Variants in MCF2L observed in about 807,000 individuals in gnomAD.
MCF2L encodes the protein guanine nucleotide exchange factor DBS.
Under a neutral mutation model 153.4 loss-of-function variants are expected in MCF2L, and 97 were observed. That is an observed-to-expected ratio of 0.63 (90% confidence interval 0.54 to 0.75). MCF2L has a LOEUF of 0.75. Among genes scored for constraint, MCF2L ranks in the 30% least tolerant of loss-of-function variants. The probability of loss-of-function intolerance (pLI) is 0.00; values close to 1 mark genes in which losing one functional copy is unlikely to be tolerated. For synonymous variants in MCF2L, 659 were observed against 632.2 expected (o/e 1.04, Z -0.64); for missense variants, 1,347 against 1,495.2 (o/e 0.90, Z 1.64).
chr13:112,917,146 C>T, intron 2 of MCF2L: 1 of 471,258 alleles, frequency 2.1e-6, no homozygotes, highest in South Asian at 1.5e-5. Context: ...TGGCTTGTGA[C>T]CCACCTGAGT....
intron 20 of MCF2L, among the ~76,000 whole-genome samples, 187 bp from the exon 21 acceptor site, chr13:113,085,937 G>C (rs568528141): frequency 1.7e-4 from 26 of 151,818 alleles, no homozygotes; most frequent in African/African-American, 6.3e-4. Context: ...CACCTGGCAG[G>C]GGTGCTGCCC....
intron 15 of MCF2L, 127 bp downstream of exon 15, chr13:113,078,866 A>C: frequency 1.1e-6 from 1 of 899,596 alleles, no homozygotes; most frequent in Non-Finnish European, 1.7e-6. Flanking sequence ...TGTGGTTCTT[A>C]CTTTTGCACC....
At chr13:113,010,617 C>A (rs112631632) in intron 1 of MCF2L, among the ~76,000 whole-genome samples, 1 of 152,222 alleles carries the variant, frequency 6.6e-6, no homozygotes, top group Non-Finnish European at 1.5e-5. Context: ...GCCACCCCCT[C>A]GTCGGCCCCA....
At chr13:112,942,407 A>G (rs1199604926) in intron 2 of MCF2L, among the ~76,000 whole-genome samples, 1 of 152,008 alleles carries the variant, frequency 6.6e-6, no homozygotes, top group Non-Finnish European at 1.5e-5. Context: ...CACACTCCTT[A>G]CCCTGTCCCT....
At chr13:113,022,502 A>T (rs929828194) in intron 2 of MCF2L, among the ~76,000 whole-genome samples, 1 of 151,882 alleles carries the variant, frequency 6.6e-6, no homozygotes, top group East Asian at 1.9e-4. Flanking sequence ...CTCCACACAC[A>T]TAGGCTTCTG....
At chr13:112,992,214 T>G (rs1467706562) in intron 1 of MCF2L, among the ~76,000 whole-genome samples, 1 of 152,226 alleles carries the variant, frequency 6.6e-6, no homozygotes, top group Non-Finnish European at 1.5e-5. Flanking sequence ...CCCAAATGTC[T>G]CATTATGTAT....
chr13:113,081,312 C>T (rs773500998), intron 16 of MCF2L, 33 bp downstream of exon 16: 19 of 1,552,888 alleles, frequency 1.2e-5, no homozygotes, highest in African/African-American at 8.1e-5. Flanking sequence ...CCGACTGCCA[C>T]GGGGACTCCC....
chr13:112,937,352 A>T (rs1594353563), intron 2 of MCF2L, among the ~76,000 whole-genome samples: 1 of 152,358 alleles, frequency 6.6e-6, no homozygotes, highest in Non-Finnish European at 1.5e-5. Flanking sequence ...TTTAAACTCC[A>T]GGTTTGAAAT....
At position 113,088,616 on chromosome 13, in the gene MCF2L, C is replaced by A. The variant is rs772282948; in HGVS notation, c.2822C>A (p.Pro941Gln). 4 of 1,607,552 alleles carry A rather than the reference C, an allele frequency of 2.5e-6. No individual in the cohort carries two copies. The highest frequency in any genetic ancestry group is 2.2e-5 in the East Asian group (1 of 44,854). The change falls in exon 25 of 30, where the codon CCG (proline) becomes CAG (glutamine). Residue 941 changes from proline to glutamine, a missense_variant. Pro to Gln is a moderately conservative substitution (Grantham distance 76). This residue lies in a region of MCF2L where 383 missense variants were observed against 335.4 expected (regional missense o/e 1.14). Coordinates refer to ENST00000535094, the MANE Select transcript of MCF2L (RefSeq NM_001112732.3). ...TCACAGAGCCTGCCCCTGCCGGCCC[C>A]GACCAGCACCAGGTGAGAATGGACA... ...EQSQSLPLPAPTSTSPSRGNS... is the reference protein window; with the variant it reads ...EQSQSLPLPAQTSTSPSRGNS...
At chr13:113,039,146 A>G (rs2086329748) in intron 3 of MCF2L, among the ~76,000 whole-genome samples, 1 of 152,200 alleles carries the variant, frequency 6.6e-6, no homozygotes, top group African/African-American at 2.4e-5. Flanking sequence ...GGCGTGAGCC[A>G]CCGCGCCCGG....
intron 8 of MCF2L, among the ~76,000 whole-genome samples, chr13:113,067,052 C>G (rs186342789): frequency 6.6e-6 from 1 of 152,258 alleles, no homozygotes; most frequent in Non-Finnish European, 1.5e-5. Context: ...GCAGCACAGC[C>G]CATGAGGGTG....
chr13:113,087,179 G>T, intron 21 of MCF2L, 56 bp from the exon 22 acceptor site: 1 of 1,465,176 alleles, frequency 6.8e-7, no homozygotes, highest in Non-Finnish European at 9.4e-7. Flanking sequence ...AGCGATGCGC[G>T]TCCATGGCCC....
At chr13:112,956,999 A>C (rs1037314299) in intron 2 of MCF2L, 3 of 152,020 alleles carry the variant, frequency 2.0e-5, no homozygotes, top group African/African-American at 7.3e-5. Flanking sequence ...GTTTCTGCCC[A>C]CCTCATGGCT....
chr13:112,912,158 T>G (rs1478285732), intron 2 of MCF2L, among the ~76,000 whole-genome samples: 1 of 152,098 alleles, frequency 6.6e-6, no homozygotes, highest in Non-Finnish European at 1.5e-5. Flanking sequence ...CTGTCCCCTG[T>G]GTTTAGTTTA....
chr13:113,056,144 G>T (rs1272072295), intron 4 of MCF2L, among the ~76,000 whole-genome samples: 3 of 152,242 alleles, frequency 2.0e-5, no homozygotes, highest in Non-Finnish European at 4.4e-5. Flanking sequence ...TTGTCCACCT[G>T]CCCTGGACGG....
At chr13:112,910,886 T>A (rs1162536546) in intron 2 of MCF2L, among the ~76,000 whole-genome samples, 2 of 152,154 alleles carry the variant, frequency 1.3e-5, no homozygotes, top group Admixed American at 1.3e-4. Context: ...GGGAAAATAT[T>A]TCGTGGGAGA....
intron 23 of MCF2L, among the ~76,000 whole-genome samples, chr13:113,088,099 G>C (rs1463934382): frequency 2.0e-5 from 3 of 152,220 alleles, no homozygotes; most frequent in African/African-American, 7.2e-5. Context: ...GGTGGGGAGG[G>C]TGCCGTGCCC....
At chr13:112,896,296 T>A (rs2081067302) in intron 1 of MCF2L, among the ~76,000 whole-genome samples, 1 of 151,576 alleles carries the variant, frequency 6.6e-6, no homozygotes, top group Non-Finnish European at 1.5e-5. Context: ...CCTCCTGAGG[T>A]TTCCCTTTAC....
chr13:113,087,650 A>C, intron 22 of MCF2L, 57 bp from the exon 23 acceptor site: 1 of 1,467,610 alleles, frequency 6.8e-7, no homozygotes, highest in Non-Finnish European at 9.5e-7. Context: ...CACCTTTTAA[A>C]AACAAGGCAG....
Sources: gnomAD v4.1 joint callset for allele counts (sites outside exome capture counted in the v4.1 genomes callset) on GRCh38, gnomAD v4.1.1 for gene constraint, gnomAD v4.1.1 regional missense constraint, MANE v1.5 for transcripts, NCBI Gene and HGNC (gene_info 2026-07-23, HGNC 2026-07-21) for gene names.